The following LMNTD1 variants were observed in gnomAD, a reference collection of about 807,000 sequenced individuals.
The protein encoded by LMNTD1 is lamin tail domain containing 1, also known as lamin tail domain-containing protein 1.
In LMNTD1, 35 loss-of-function variants were observed where a neutral mutation model predicts 50.9. The ratio of observed to expected loss-of-function variants is 0.69; its 90% CI spans 0.53 to 0.91. The LOEUF (loss-of-function observed/expected upper bound fraction) is 0.91, where lower values mean the gene tolerates loss of function less well. Among genes scored for constraint, LMNTD1 ranks in the 40% least tolerant of loss-of-function variants. The pLI, the probability that LMNTD1 is intolerant of heterozygous loss-of-function variation, is 0.00. For missense variants in LMNTD1, 470 were observed against 475.5 expected, an observed-to-expected ratio of 0.99 and a Z score of 0.11; for synonymous variants, 153 against 161.9, an observed-to-expected ratio of 0.94 and a Z score of 0.42.
intron 1 of LMNTD1, among the ~76,000 whole-genome samples, chr12:25,606,422 G>T (rs1013939601): frequency 6.6e-6 from 1 of 152,284 alleles, no homozygotes; most frequent in East Asian, 1.9e-4. Context: ...TTTTCAAAGG[G>T]AATGCTTCCA....
At chr12:25,508,451 G>A (rs1219754060) in intron 8 of LMNTD1, among the ~76,000 whole-genome samples, 1 of 152,148 alleles carries the variant, frequency 6.6e-6, no homozygotes, top group African/African-American at 2.4e-5. Context: ...ATTATTGCAT[G>A]TAGCAGTAGT....
At chr12:25,623,553 CAAAAAAAAAAAAAA>C (rs57326398) in intron 1 of LMNTD1, among the ~76,000 whole-genome samples, 1 of 57,534 alleles carries the variant, frequency 1.7e-5, no homozygotes, top group Non-Finnish European at 3.0e-5. Flanking sequence ...GACTCTGTCT[CAAAAAAAAAAAAAA>C]AAAAAAAAAA....
At chr12:25,584,352 T>C (rs1945435780) in intron 1 of LMNTD1, among the ~76,000 whole-genome samples, 1 of 152,232 alleles carries the variant, frequency 6.6e-6, no homozygotes, top group African/African-American at 2.4e-5. Flanking sequence ...AGCTTGGCCT[T>C]GAGCACTGCT....
intron 1 of LMNTD1, among the ~76,000 whole-genome samples, chr12:25,638,619 T>C (rs1946885776): frequency 6.6e-6 from 1 of 151,898 alleles, no homozygotes; most frequent in Admixed American, 6.5e-5. Context: ...TAGGACTAAA[T>C]TTAAAAAAAG....
At chr12:25,557,634 T>C (rs1184960890), upstream of LMNTD1, among the ~76,000 whole-genome samples, 1 of 152,238 alleles carries the variant, frequency 6.6e-6, no homozygotes, top group Non-Finnish European at 1.5e-5. Context: ...CATTTGCTCT[T>C]ATTTGCAGAA....
chr12:25,581,537 T>A (rs2136421149), intron 1 of LMNTD1, among the ~76,000 whole-genome samples: 1 of 151,634 alleles, frequency 6.6e-6, no homozygotes, highest in African/African-American at 2.4e-5. Flanking sequence ...AATATATTAC[T>A]CTTTTGATTA....
In LMNTD1 at chr12:25,510,496, G is replaced by T. The variant is rs376167784; in HGVS notation, c.1190-6696C>A. ...TTGATGTCTTTGTATCAGTTTTTGAGAATTTTTGCCATTATTTATTTAAAT... is the reference window on the plus strand; with the variant it reads ...TTGATGTCTTTGTATCAGTTTTTGATAATTTTTGCCATTATTTATTTAAAT... On this transcript the variant is annotated intron_variant, in intron 8 of 9. Coordinates refer to ENST00000458174, the MANE Select transcript of LMNTD1 (RefSeq NM_001145728.2). Among the ~76,000 whole-genome samples, 7 of 152,002 alleles carry T rather than the reference G, an allele frequency of 4.6e-5. No homozygotes were observed. In the East Asian group the frequency reaches 5.8e-4, roughly 13 times the overall value.
chr12:25,601,094 A>G (rs922356141), intron 1 of LMNTD1, among the ~76,000 whole-genome samples: 1 of 151,988 alleles, frequency 6.6e-6, no homozygotes, highest in Non-Finnish European at 1.5e-5. Context: ...GTGGTACTAT[A>G]CATAGTGGAG....
intron 1 of LMNTD1, among the ~76,000 whole-genome samples, chr12:25,613,621 A>T (rs1293884098): frequency 6.6e-6 from 1 of 152,224 alleles, no homozygotes; most frequent in Admixed American, 6.5e-5. Context: ...CAGTGCTCTG[A>T]ATAGTGTCTG....
intron 3 of LMNTD1, chr12:25,547,265 GT>G: frequency 1.6e-6 from 1 of 644,402 alleles, no homozygotes; most frequent in Non-Finnish European, 1.9e-6. Context: ...AGAACAACGT[GT>G]CTTGCATTTA....
At chr12:25,501,622 G>A (rs950730789) in intron 9 of LMNTD1, among the ~76,000 whole-genome samples, 3 of 152,110 alleles carry the variant, frequency 2.0e-5, no homozygotes, top group African/African-American at 7.2e-5. Context: ...TAATCTCTCT[G>A]ATCTGAAGGT....
At chr12:25,494,591 A>G (rs1168640763) in intron 9 of LMNTD1, among the ~76,000 whole-genome samples, 1 of 152,162 alleles carries the variant, frequency 6.6e-6, no homozygotes, top group Non-Finnish European at 1.5e-5. Context: ...ATAAATTTAT[A>G]TAGATATATT....
intron 1 of LMNTD1, among the ~76,000 whole-genome samples, chr12:25,581,948 C>T (rs188439088): frequency 7.9e-5 from 12 of 152,350 alleles, no homozygotes; most frequent in Admixed American, 1.3e-4. Flanking sequence ...CATCATTGAT[C>T]GAAAGATCTT....
rs760643100 is a variant in LMNTD1 at position 25,549,363 on chromosome 12, A to G, written c.273T>C (p.Ala91=). Residue 91 remains alanine, a synonymous_variant, in exon 3 of 10, where the codon GCT becomes GCC. Coordinates refer to ENST00000458174, the MANE Select transcript of LMNTD1 (RefSeq NM_001145728.2). ...CCACTCTGGAACAGCTACCTACAGTAGCTTTAGAAGTCAATTGTCCAGTTG... is the reference window on the plus strand; with the variant it reads ...CCACTCTGGAACAGCTACCTACAGTGGCTTTAGAAGTCAATTGTCCAGTTG... ...ISTTGQLTSK[A]TVGSCSRVEN... 6.2e-7 allele frequency: 1 copy of G among 1,611,946 alleles called. No homozygotes were observed. The highest frequency in any genetic ancestry group is 1.1e-5 in the South Asian group (1 of 90,828).
intron 1 of LMNTD1, among the ~76,000 whole-genome samples, chr12:25,566,584 C>A (rs1944567616): frequency 6.6e-6 from 1 of 152,216 alleles, no homozygotes; most frequent in Admixed American, 6.5e-5. Context: ...CCAGCATGAG[C>A]TCTATCAATG....
At chr12:25,567,733 A>C (rs909631773) in intron 1 of LMNTD1, among the ~76,000 whole-genome samples, 1 of 152,122 alleles carries the variant, frequency 6.6e-6, no homozygotes, top group Admixed American at 6.5e-5. Flanking sequence ...CTGACTCTGC[A>C]TCACCTTCCA....
intron 1 of LMNTD1, among the ~76,000 whole-genome samples, chr12:25,609,715 T>C (rs776710109): frequency 6.6e-5 from 10 of 152,136 alleles, no homozygotes; most frequent in Non-Finnish European, 1.5e-4. Context: ...CTCTGGAAGC[T>C]TCGTCTCAGA....
chr12:25,533,326 A>G (rs1187992992), intron 4 of LMNTD1, among the ~76,000 whole-genome samples: 1 of 152,162 alleles, frequency 6.6e-6, no homozygotes, highest in Non-Finnish European at 1.5e-5. Context: ...CTGAGAGTGG[A>G]GAGTGATGTT....
intron 4 of LMNTD1, among the ~76,000 whole-genome samples, chr12:25,535,847 T>A (rs1208180836): frequency 6.6e-6 from 1 of 152,024 alleles, no homozygotes; most frequent in Non-Finnish European, 1.5e-5. Context: ...ACTCTAAATA[T>A]AAAGACACAA....
Sources: allele counts gnomAD v4.1 joint callset (sites outside exome capture counted in the v4.1 genomes callset), GRCh38; gene constraint gnomAD v4.1.1; transcripts MANE v1.5; gene names NCBI Gene and HGNC (gene_info 2026-07-23, HGNC 2026-07-21).